The following PPP3CA variants were observed in gnomAD, a reference collection of about 807,000 sequenced individuals.
PPP3CA encodes the protein CAM-PRP catalytic subunit.
In PPP3CA, 14 loss-of-function variants were observed where a neutral mutation model predicts 66.5. The observed-to-expected ratio is 0.21, with a 90% CI of 0.14 to 0.33. The LOEUF (loss-of-function observed/expected upper bound fraction) is 0.33, where lower values mean the gene tolerates loss of function less well. Among genes scored for constraint, PPP3CA ranks in the 10% least tolerant of loss-of-function variants. The probability of loss-of-function intolerance (pLI) is 1.00; values close to 1 mark genes in which losing one functional copy is unlikely to be tolerated. For synonymous variants in PPP3CA, 232 were observed against 226.2 expected, an observed-to-expected ratio of 1.03 and a Z score of -0.23; for missense variants, 317 against 639.5, an observed-to-expected ratio of 0.50 and a Z score of 5.44.
At chr4:101,056,006 T>C (rs1475993994) in intron 10 of PPP3CA, among the ~76,000 whole-genome samples, 4 of 152,142 alleles carry the variant, frequency 2.6e-5, no homozygotes, top group Non-Finnish European at 4.4e-5. Context: ...TTAGTGTTTT[T>C]TGTTTGTTTT....
intron 2 of PPP3CA, among the ~76,000 whole-genome samples, chr4:101,192,511 C>G (rs1724639271): frequency 6.6e-6 from 1 of 152,092 alleles, no homozygotes; most frequent in Non-Finnish European, 1.5e-5. Flanking sequence ...GTCTCATCCT[C>G]CCATCTCCAC....
intron 1 of PPP3CA, among the ~76,000 whole-genome samples, chr4:101,323,610 C>G (rs921148137): frequency 2.0e-5 from 3 of 152,158 alleles, no homozygotes; most frequent in Non-Finnish European, 4.4e-5. Context: ...ATGTTGAAAC[C>G]ATTAGGTTAA....
At chr4:101,310,995 T>C (rs1728703338) in intron 1 of PPP3CA, among the ~76,000 whole-genome samples, 1 of 152,182 alleles carries the variant, frequency 6.6e-6, no homozygotes, top group Non-Finnish European at 1.5e-5. Context: ...AAATAAGCTT[T>C]ATGGAAGGAG....
intron 1 of PPP3CA, among the ~76,000 whole-genome samples, chr4:101,207,014 T>G (rs749883847): frequency 6.6e-5 from 10 of 151,948 alleles, no homozygotes; most frequent in Non-Finnish European, 1.5e-4. Context: ...TGATCAAAAG[T>G]GAGCAACAGA....
At position 101,098,476 on chromosome 4, in the gene PPP3CA, C is replaced by T; in HGVS notation, c.533G>A (p.Cys178Tyr). Residue 178 changes from cysteine (C) to tyrosine (Y), a missense_variant, in exon 5 of 14, where the codon TGT (cysteine) becomes TAT (tyrosine). Cys to Tyr is a radical substitution (Grantham distance 194, BLOSUM62 -2). Transcript: ENST00000394854. ...GGGAAGGCAGTCAAAGGCATCCATA[C>T]AGGCATCATATACGCGTTCTGAATA... is the stretch of plus-strand genomic sequence containing the variant. ...IKYSERVYDA[C>Y]MDAFDCLPLA... 6.2e-7 allele frequency: 1 copy of T among 1,611,422 alleles called. No homozygotes were observed. Among genetic ancestry groups the T allele is most frequent in the Non-Finnish European group, 8.5e-7 (1 of 1,178,462 alleles).
At chr4:101,132,027 C>T (rs1050517071) in intron 2 of PPP3CA, among the ~76,000 whole-genome samples, 1 of 152,106 alleles carries the variant, frequency 6.6e-6, no homozygotes, top group African/African-American at 2.4e-5. Context: ...CAAATGAAGG[C>T]AGACATAAAG....
chr4:101,103,640 C>A (rs533613537), intron 3 of PPP3CA, among the ~76,000 whole-genome samples: 1 of 152,338 alleles, frequency 6.6e-6, no homozygotes, highest in East Asian at 1.9e-4. Context: ...CTAATAAACA[C>A]AACACCTCTT....
At chr4:101,222,943 A>C (rs1214783099) in intron 1 of PPP3CA, among the ~76,000 whole-genome samples, 2 of 151,780 alleles carry the variant, frequency 1.3e-5, no homozygotes, top group Admixed American at 6.6e-5. Context: ...TGGTGCACTT[A>C]ATCCAAAAAT....
intron 1 of PPP3CA, among the ~76,000 whole-genome samples, chr4:101,274,010 GTAGAT>G (rs922666392): frequency 1.3e-5 from 2 of 151,982 alleles, no homozygotes; most frequent in African/African-American, 4.8e-5. Flanking sequence ...GTAGCATACA[GTAGAT>G]TAAAGGTTGG....
intron 1 of PPP3CA, among the ~76,000 whole-genome samples, chr4:101,284,425 T>C (rs148778556): frequency 6.6e-6 from 1 of 152,284 alleles, no homozygotes; most frequent in African/African-American, 2.4e-5. Context: ...TTTTTACACA[T>C]GAAGACATTA....
At chr4:101,102,362 G>C (rs1049175448) in intron 3 of PPP3CA, among the ~76,000 whole-genome samples, 1 of 151,432 alleles carries the variant, frequency 6.6e-6, no homozygotes, top group African/African-American at 2.4e-5. Flanking sequence ...GAGAGAGAGA[G>C]AATATAACTC....
chr4:101,287,651 A>T (rs1011825925), intron 1 of PPP3CA, among the ~76,000 whole-genome samples: 4 of 152,194 alleles, frequency 2.6e-5, no homozygotes, highest in African/African-American at 9.7e-5. Flanking sequence ...CCAGGACAAG[A>T]AAGACGCTAT....
rs72681048 is a variant in PPP3CA, at chr4:101,168,461, T to G, written c.259+27455A>C. Among the ~76,000 whole-genome samples the G allele has an allele frequency of 6.8e-3, 1,034 of 152,130 alleles. 7 individuals carry two copies. Among genetic ancestry groups the G allele is most frequent in the Middle Eastern group, 0.017 (5 of 294 alleles). On this transcript the variant is annotated intron_variant, in intron 2 of 13. Coordinates refer to ENST00000394854, the MANE Select transcript of PPP3CA (RefSeq NM_000944.5). ...TTAGGAATCATCTCACAAAAGACAA[T>G]TTTTAGAACAAGACAATAGGGAAAA...
chr4:101,036,588 A>AT (rs1415065514), intron 11 of PPP3CA, among the ~76,000 whole-genome samples: 2 of 151,354 alleles, frequency 1.3e-5, no homozygotes, highest in African/African-American at 4.9e-5. Context: ...ATTTTTTTGT[A>AT]TTTTCAGTAG....
At chr4:101,340,910 T>C (rs1484585402) in intron 1 of PPP3CA, among the ~76,000 whole-genome samples, 1 of 152,186 alleles carries the variant, frequency 6.6e-6, no homozygotes, top group East Asian at 1.9e-4. Flanking sequence ...TCCTTCAAAA[T>C]GAAAGTAAAT....
intron 1 of PPP3CA, among the ~76,000 whole-genome samples, chr4:101,300,220 G>A (rs1728332482): frequency 6.6e-6 from 1 of 152,120 alleles, no homozygotes; most frequent in South Asian, 2.1e-4. Context: ...TAAGGTTAAT[G>A]TCCACTCATT....
intron 1 of PPP3CA, among the ~76,000 whole-genome samples, chr4:101,306,767 C>A (rs952269839): frequency 5.9e-5 from 9 of 152,130 alleles, no homozygotes; most frequent in Admixed American, 2.0e-4. Context: ...GACAAAAAAA[C>A]CAAATGCAAC....
At chr4:101,331,686 A>C (rs1729392332) in intron 1 of PPP3CA, among the ~76,000 whole-genome samples, 1 of 152,224 alleles carries the variant, frequency 6.6e-6, no homozygotes, top group Admixed American at 6.5e-5. Flanking sequence ...TAAGTCCTTC[A>C]GCTCAATCAA....
intron 11 of PPP3CA, among the ~76,000 whole-genome samples, chr4:101,035,406 G>A (rs930631197): frequency 1.3e-5 from 2 of 152,178 alleles, no homozygotes; most frequent in Non-Finnish European, 2.9e-5. Flanking sequence ...GTAATCTGAA[G>A]TATTCTTTTT....
Sources: allele counts gnomAD v4.1 joint callset (sites outside exome capture counted in the v4.1 genomes callset), GRCh38; gene constraint gnomAD v4.1.1; transcripts MANE v1.5; gene names NCBI Gene and HGNC (gene_info 2026-07-23, HGNC 2026-07-21).